The following ANKS3 variants were observed in gnomAD, a reference collection of about 807,000 sequenced individuals.
ANKS3 encodes the protein ankyrin repeat and sterile alpha motif domain containing 3, also known as ankyrin repeat and SAM domain-containing protein 3.
In ANKS3, 62 loss-of-function variants were observed where a neutral mutation model predicts 80.7. The ratio of observed to expected loss-of-function variants is 0.77; its 90% CI spans 0.63 to 0.95. ANKS3 has a LOEUF of 0.95. Ranked by LOEUF, ANKS3 falls within the 40% of genes least tolerant of loss-of-function variation. The probability of loss-of-function intolerance (pLI) is 0.00; values close to 1 mark genes in which losing one functional copy is unlikely to be tolerated. For synonymous variants in ANKS3, 489 were observed against 355.3 expected (o/e 1.38, Z -4.23); for missense variants, 1,150 against 883.6 (o/e 1.30, Z -3.82).
chr16:4,700,823 G>T, intron 11 of ANKS3, 147 bp downstream of exon 11: 1 of 1,067,218 alleles, frequency 9.4e-7, no homozygotes, highest in Non-Finnish European at 1.4e-6. Context: ...CCGGCTGTGA[G>T]CCTGTGGAGC....
rs765925978 is a variant in ANKS3 at position 4,726,997 on chromosome 16, G to A, written c.351C>T (p.Ile117=). Residue 117 remains isoleucine, a synonymous_variant, in exon 4 of 18, where the codon ATC becomes ATT. Transcript: ENST00000304283. ...AGCTCACCTGGAGAAGAAAGTAGGC[G>A]ATGCTCTCGTTGCCACAGCTGGAGG... is the stretch of plus-strand genomic sequence containing the variant. ...MLASSCGNES[I]AYFLLQQGAE... The A allele has an allele frequency of 1.9e-6, 3 of 1,614,130 alleles. No individual in the cohort carries two copies. The highest frequency in any genetic ancestry group is 2.2e-5 in the East Asian group (1 of 44,890).
chr16:4,698,484 C>A lies in ANKS3; in HGVS notation c.1667G>T (p.Arg556Leu). ...QDRAREDLQA[R>L]LRETWALARD... is the part of the protein sequence containing the mutation. ...GGCCAGGGCCCACGTCTCCCGCAGC[C>A]GGGCCTGGAGGTCCTCGCGGGCGCG... The change falls in exon 14 of 18, where the codon CGG (arginine) becomes CTG (leucine). Residue 556 changes from arginine to leucine, a missense_variant. Coordinates refer to ENST00000304283, the MANE Select transcript of ANKS3 (RefSeq NM_133450.4). 1 of 1,550,496 alleles carries A rather than the reference C, an allele frequency of 6.4e-7. No individual in the cohort carries two copies. The highest frequency in any genetic ancestry group is 1.9e-5 in the Admixed American group (1 of 53,160).
At chr16:4,714,521 G>C (rs1405306203) in intron 6 of ANKS3, among the ~76,000 whole-genome samples, 1 of 152,246 alleles carries the variant, frequency 6.6e-6, no homozygotes, top group East Asian at 1.9e-4. Flanking sequence ...CACTTCGCTT[G>C]TCTTCAAAGA....
intron 7 of ANKS3, among the ~76,000 whole-genome samples, chr16:4,707,802 C>T (rs918858413): frequency 6.6e-6 from 1 of 152,076 alleles, no homozygotes; most frequent in Non-Finnish European, 1.5e-5. Flanking sequence ...TCAAGCAAAA[C>T]ACGGAACACT....
chr16:4,725,541 T>TGAA, intron 5 of ANKS3, among the ~76,000 whole-genome samples: 1 of 152,232 alleles, frequency 6.6e-6, no homozygotes, highest in East Asian at 1.9e-4. Flanking sequence ...TGTCTTAGAA[T>TGAA]GAATGACAGC....
In ANKS3 at chr16:4,721,610, CTTTATTGA is replaced by C. The variant is rs548364859; in HGVS notation, c.573+3132_573+3139del. 3.8e-3 allele frequency among the ~76,000 whole-genome samples: 498 copies of C among 129,890 alleles called. 14 individuals carry two copies. Among genetic ancestry groups the C allele is most frequent in the Middle Eastern group, 0.023 (6 of 266 alleles). The allele number at this position is 129,890 out of a possible 152,430, so 85.2% of individuals were successfully genotyped here. A position where few individuals can be genotyped will look rare whatever the true frequency, so the allele number is the denominator to read the frequency against. Reference sequence around the variant, plus strand: ...TGAGGGACAGAGCAAGACCCCATCTCTTTATTGATTTATTGATTTATTTATTTATTTAT... The same window carrying C: ...TGAGGGACAGAGCAAGACCCCATCTCTTTATTGATTTATTTATTTATTTAT... On this transcript the variant is annotated intron_variant, in intron 6 of 17. Transcript: ENST00000304283.
intron 7 of ANKS3, among the ~76,000 whole-genome samples, chr16:4,707,661 C>G (rs2080270337): frequency 6.6e-6 from 1 of 152,072 alleles, no homozygotes; most frequent in Non-Finnish European, 1.5e-5. Flanking sequence ...AAAAATGCAC[C>G]AACTTCCTTC....
chr16:4,731,353 C>G (rs1168350235), intron 2 of ANKS3, among the ~76,000 whole-genome samples, 159 bp downstream of exon 2: 1 of 152,206 alleles, frequency 6.6e-6, no homozygotes, highest in East Asian at 1.9e-4. Flanking sequence ...GATTTCAGCT[C>G]ACTGGAACCT....
intron 8 of ANKS3, among the ~76,000 whole-genome samples, chr16:4,703,958 T>C (rs1323219107): frequency 1.3e-5 from 2 of 152,236 alleles, no homozygotes; most frequent in African/African-American, 4.8e-5. Context: ...GCTTCCTTCC[T>C]GTCCCCACCA....
At chr16:4,730,217 G>C in intron 2 of ANKS3, 66 bp from the exon 3 acceptor site, 1 of 1,386,634 alleles carries the variant, frequency 7.2e-7, no homozygotes, top group Non-Finnish European at 9.4e-7. Flanking sequence ...AAACAGGCTG[G>C]TCCTGCCCCT....
intron 7 of ANKS3, among the ~76,000 whole-genome samples, chr16:4,712,504 G>C (rs1476451770): frequency 6.6e-6 from 1 of 152,050 alleles, no homozygotes; most frequent in African/African-American, 2.4e-5. Flanking sequence ...CAACATGTGG[G>C]ATTTATGCCA....
intron 6 of ANKS3, among the ~76,000 whole-genome samples, chr16:4,714,520 T>G (rs1157665835): frequency 6.6e-6 from 1 of 152,256 alleles, no homozygotes; most frequent in Non-Finnish European, 1.5e-5. Context: ...TCACTTCGCT[T>G]GTCTTCAAAG....
chr16:4,702,231 G>C lies in ANKS3; in HGVS notation c.880C>G (p.Pro294Ala), dbSNP rs749232019. Residue 294 changes from proline (P) to alanine (A), a missense_variant, in exon 9 of 18, where the codon CCC becomes GCC. Physicochemically the swap from Pro to Ala is conservative, Grantham distance 27 (BLOSUM62 -1). Coordinates refer to ENST00000304283, the MANE Select transcript of ANKS3 (RefSeq NM_133450.4). ...APRPRYEQAP[P>A]RGYVTFNSSG... ...CTGTTGAAGGTGACATAGCCACGGG[G>C]AGGAGCCTGCTCTGTGTACAGAATG... The C allele has an allele frequency of 2.5e-6, 4 of 1,582,956 alleles. No homozygotes were observed. The highest frequency in any genetic ancestry group is 1.8e-5 in the Admixed American group (1 of 54,968).
In ANKS3 at chr16:4,712,528, G is replaced by A. The variant is rs1032975652; in HGVS notation, c.709+1523C>T. On this transcript the variant is annotated intron_variant, in intron 7 of 17. Coordinates refer to ENST00000304283, the MANE Select transcript of ANKS3 (RefSeq NM_133450.4). ...GGATTTATGCCAAGAATGTAAGGTT[G>A]ATTCATTATTAGGAGGTTCATGAAG... Among the ~76,000 whole-genome samples, 9 of 152,092 alleles carry A rather than the reference G, an allele frequency of 5.9e-5. 1 individual carries two copies. Among genetic ancestry groups the A allele is most frequent in the African/African-American group, 1.9e-4 (8 of 41,366 alleles).
In ANKS3 at chr16:4,705,168, G is replaced by T. The variant is rs1377805388; in HGVS notation, c.795C>A (p.Ile265=). The part of the protein sequence containing the change: ...QRPCRKKGVS[I]HEGPRALARI... Reference sequence around the variant, plus strand: ...TGGCCAGGGCTCGCGGTCCCTCGTGGATGCTGACACCCTTCTTCCGGCAAG... The same window carrying T: ...TGGCCAGGGCTCGCGGTCCCTCGTGTATGCTGACACCCTTCTTCCGGCAAG... Residue 265 remains isoleucine (I), a synonymous_variant, in exon 8 of 18, where the codon ATC becomes ATA. Coordinates refer to ENST00000304283, the MANE Select transcript of ANKS3 (RefSeq NM_133450.4). 5 of 1,613,830 alleles carry T rather than the reference G, an allele frequency of 3.1e-6. No homozygotes were observed. Among genetic ancestry groups the T allele is most frequent in the Non-Finnish European group, 8.5e-7 (1 of 1,180,046 alleles).
chr16:4,733,781 A>T (rs909877283), intron 1 of ANKS3, among the ~76,000 whole-genome samples, 157 bp downstream of exon 1: 11 of 152,226 alleles, frequency 7.2e-5, no homozygotes, highest in African/African-American at 2.7e-4. Context: ...AAAAATTTTT[A>T]AAAATCTTAA....
rs137892011 is a variant in ANKS3, at chr16:4,723,485, C to T, written c.573+1265G>A. 1.2e-3 allele frequency among the ~76,000 whole-genome samples: 189 copies of T among 152,272 alleles called. 1 individual carries two copies. Among genetic ancestry groups the T allele is most frequent in the African/African-American group, 4.1e-3 (172 of 41,564 alleles). On this transcript the variant is annotated intron_variant, in intron 6 of 17. Coordinates refer to ENST00000304283, the MANE Select transcript of ANKS3 (RefSeq NM_133450.4). Reference sequence around the variant, plus strand: ...TGACCCAGAATGGAGTGTGGCGGCGCAATCATAGCTCACTGCAACCTCCAA... The same window carrying T: ...TGACCCAGAATGGAGTGTGGCGGCGTAATCATAGCTCACTGCAACCTCCAA...
rs750801351 is a variant in ANKS3 at position 4,701,004 on chromosome 16, G to A, written c.1250C>T (p.Pro417Leu). The change falls in exon 11 of 18, where the codon CCC becomes CTC. Residue 417 changes from proline (P) to leucine (L), a missense_variant. Coordinates refer to ENST00000304283, the MANE Select transcript of ANKS3 (RefSeq NM_133450.4). ...DREGFLAESSPQTQRAPYSGP... is the reference protein window; with the variant it reads ...DREGFLAESSLQTQRAPYSGP... The stretch of plus-strand genomic sequence containing the variant: ...TGAGTAGGGGGCCCTCTGAGTCTGG[G>A]GGCTGGACTCAGCGAGAAAGCCTTC... 3.1e-6 allele frequency: 5 copies of A among 1,613,892 alleles called. No homozygotes were observed. Among genetic ancestry groups the A allele is most frequent in the Non-Finnish European group, 2.5e-6 (3 of 1,179,994 alleles).
intron 8 of ANKS3, 95 bp from the exon 9 acceptor site, chr16:4,702,337 C>T (rs1168082867): frequency 1.6e-5 from 21 of 1,304,120 alleles, no homozygotes; most frequent in Non-Finnish European, 2.1e-5. Context: ...ACTTCCCAGT[C>T]ATGACCTCAC....
Sources: gnomAD v4.1 joint callset for allele counts (sites outside exome capture counted in the v4.1 genomes callset) on GRCh38, gnomAD v4.1.1 for gene constraint, MANE v1.5 for transcripts, NCBI Gene and HGNC (gene_info 2026-07-23, HGNC 2026-07-21) for gene names.